The following TGFB2 variants were observed in gnomAD, a reference collection of about 807,000 sequenced individuals.
TGFB2 encodes transforming growth factor beta 2.
Under a neutral mutation model 42.7 loss-of-function variants are expected in TGFB2, and 13 were observed. The observed-to-expected ratio is 0.30, with a 90% CI of 0.20 to 0.48. The LOEUF (loss-of-function observed/expected upper bound fraction) is 0.48. Ranked by LOEUF, TGFB2 falls within the 20% of genes least tolerant of loss-of-function variation. The pLI, the probability that TGFB2 is intolerant of heterozygous loss-of-function variation, is 0.99. For synonymous variants in TGFB2, 193 were observed against 193.6 expected (o/e 1.00, Z 0.03); for missense variants, 390 against 517.5 (o/e 0.75, Z 2.39).
intron 2 of TGFB2, among the ~76,000 whole-genome samples, chr1:218,432,983 AC>A (rs1285892449): frequency 2.0e-5 from 3 of 152,214 alleles, no homozygotes; most frequent in Non-Finnish European, 4.4e-5. Context: ...TAAAATATTC[AC>A]TTCCTTTCGA....
At chr1:218,416,491 A>G (rs1406299765) in intron 2 of TGFB2, among the ~76,000 whole-genome samples, 1 of 152,112 alleles carries the variant, frequency 6.6e-6, no homozygotes, top group Non-Finnish European at 1.5e-5. Context: ...ACAAATCTGG[A>G]TTTGCGAAAG....
intron 1 of TGFB2, among the ~76,000 whole-genome samples, chr1:218,347,878 G>A (rs1258159105): frequency 6.6e-6 from 1 of 151,540 alleles, no homozygotes; most frequent in African/African-American, 2.4e-5. Flanking sequence ...CCTTTTCGTA[G>A]GCTTCCTGCA....
intron 2 of TGFB2, among the ~76,000 whole-genome samples, chr1:218,409,597 C>T (rs1659029161): frequency 1.3e-5 from 2 of 151,998 alleles, no homozygotes; most frequent in Non-Finnish European, 1.5e-5. Context: ...AAATTATAGT[C>T]AGGAAACTGA....
intron 1 of TGFB2, among the ~76,000 whole-genome samples, chr1:218,380,149 C>T (rs1448280790): frequency 1.3e-5 from 2 of 152,152 alleles, no homozygotes; most frequent in Admixed American, 6.6e-5. Context: ...CTATCAAAGT[C>T]GCTGCCATCG....
intron 1 of TGFB2, among the ~76,000 whole-genome samples, chr1:218,404,715 A>G (rs910856989): frequency 7.2e-5 from 11 of 152,272 alleles, no homozygotes; most frequent in African/African-American, 2.7e-4. Context: ...CCTGGTTAAA[A>G]AAAGATTATT....
intron 2 of TGFB2, among the ~76,000 whole-genome samples, chr1:218,428,007 CT>C: frequency 6.6e-6 from 1 of 152,242 alleles, no homozygotes; most frequent in African/African-American, 2.4e-5. Flanking sequence ...TGTTTCCTGA[CT>C]TTTTAATGAC....
At chr1:218,377,335 A>ATGT (rs1657776498) in intron 1 of TGFB2, among the ~76,000 whole-genome samples, 2 of 152,244 alleles carry the variant, frequency 1.3e-5, no homozygotes, top group Admixed American at 1.3e-4. Context: ...ATAGATATCT[A>ATGT]TGTTGATAGC....
At position 218,441,450 on chromosome 1, in the gene TGFB2, C is replaced by A; in HGVS notation, c.*88C>A. The A allele has an allele frequency of 7.1e-7, 1 of 1,398,878 alleles. No individual in the cohort carries two copies. Among genetic ancestry groups the A allele is most frequent in the Non-Finnish European group, 9.5e-7 (1 of 1,047,998 alleles). 86.7% of individuals were successfully genotyped at this position (1,398,878 alleles called of 1,614,324 possible). Reference sequence around the variant, plus strand: ...AACGATGATGCTTGTAACAAGAAAACATAAGAGAGCCTTGGTTCATCAGTG... The same window carrying A: ...AACGATGATGCTTGTAACAAGAAAAAATAAGAGAGCCTTGGTTCATCAGTG... On this transcript the variant is annotated 3_prime_UTR_variant, in exon 7 of 7. Transcript: ENST00000366930.
intron 1 of TGFB2, among the ~76,000 whole-genome samples, chr1:218,382,220 G>A (rs1453295595): frequency 1.3e-5 from 2 of 152,168 alleles, no homozygotes; most frequent in Non-Finnish European, 2.9e-5. Context: ...TTCCAAGGAA[G>A]CTGGAAATAT....
At chr1:218,363,832 C>T (rs1657297393) in intron 1 of TGFB2, among the ~76,000 whole-genome samples, 1 of 152,104 alleles carries the variant, frequency 6.6e-6, no homozygotes, top group African/African-American at 2.4e-5. Flanking sequence ...AGTAGTTGCT[C>T]AATTAATGTT....
intron 1 of TGFB2, among the ~76,000 whole-genome samples, chr1:218,348,441 T>C (rs1471335870): frequency 6.6e-6 from 1 of 152,234 alleles, no homozygotes; most frequent in Non-Finnish European, 1.5e-5. Flanking sequence ...TTGTACTTGA[T>C]GGTCTCAGAA....
At chr1:218,357,860 A>T (rs761134303) in intron 1 of TGFB2, among the ~76,000 whole-genome samples, 31 of 152,188 alleles carry the variant, frequency 2.0e-4, no homozygotes, top group Non-Finnish European at 3.5e-4. Context: ...TCTGAAGAAA[A>T]AGTCATGGAG....
chr1:218,350,370 G>C (rs1656832101), intron 1 of TGFB2, among the ~76,000 whole-genome samples: 1 of 152,142 alleles, frequency 6.6e-6, no homozygotes, highest in Non-Finnish European at 1.5e-5. Context: ...GTCATGACTG[G>C]AGGTGGAGGG....
At chr1:218,348,865 C>T (rs1656779566) in intron 1 of TGFB2, among the ~76,000 whole-genome samples, 1 of 152,204 alleles carries the variant, frequency 6.6e-6, no homozygotes, top group East Asian at 1.9e-4. Flanking sequence ...ACTGCCAGCA[C>T]TTCTATAACA....
intron 2 of TGFB2, among the ~76,000 whole-genome samples, chr1:218,408,946 G>A (rs1379294005): frequency 6.6e-6 from 1 of 152,132 alleles, no homozygotes. Context: ...TTGTTTTCCT[G>A]CAACTATATA....
intron 1 of TGFB2, among the ~76,000 whole-genome samples, chr1:218,376,150 G>A (rs879265122): frequency 4.6e-5 from 7 of 152,180 alleles, no homozygotes; most frequent in African/African-American, 1.7e-4. Flanking sequence ...AATGTGGTAA[G>A]TGCGTACATC....
intron 2 of TGFB2, among the ~76,000 whole-genome samples, chr1:218,412,487 C>T (rs747413667): frequency 6.6e-6 from 1 of 152,194 alleles, no homozygotes; most frequent in Non-Finnish European, 1.5e-5. Context: ...TACGTCAGAA[C>T]GACCTTCCTC....
At chr1:218,357,982 T>C (rs1657094449) in intron 1 of TGFB2, among the ~76,000 whole-genome samples, 1 of 152,228 alleles carries the variant, frequency 6.6e-6, no homozygotes. Context: ...TGACTTTGGC[T>C]CTGTTTATTT....
intron 1 of TGFB2, among the ~76,000 whole-genome samples, chr1:218,377,305 G>A (rs1657775494): frequency 6.6e-6 from 1 of 152,212 alleles, no homozygotes; most frequent in Non-Finnish European, 1.5e-5. Flanking sequence ...TCTTTAGCTG[G>A]TACAGGACAG....
Sources: allele counts gnomAD v4.1 joint callset (sites outside exome capture counted in the v4.1 genomes callset), GRCh38; gene constraint gnomAD v4.1.1; transcripts MANE v1.5; gene names NCBI Gene and HGNC (gene_info 2026-07-23, HGNC 2026-07-21).